FCHSD2: variants seen among roughly 807,000 people sequenced by gnomAD.
FCHSD2 encodes the protein F-BAR and double SH3 domains protein 2.
FCHSD2 carries 38 observed loss-of-function variants against 108.1 expected under a neutral mutation model. The observed-to-expected ratio is 0.35, with a 90% confidence interval of 0.27 to 0.46. The LOEUF (loss-of-function observed/expected upper bound fraction) is 0.46. Among genes scored for constraint, FCHSD2 ranks in the 20% least tolerant of loss-of-function variants. The probability of loss-of-function intolerance (pLI) is 1.00; values close to 1 mark genes in which losing one functional copy is unlikely to be tolerated. For synonymous variants in FCHSD2, 279 were observed against 314.7 expected (o/e 0.89, Z 1.20); for missense variants, 751 against 897.8 (o/e 0.84, Z 2.09).
chr11:72,969,101 GTCT>G (rs1856964818), intron 8 of FCHSD2, among the ~76,000 whole-genome samples: 1 of 152,100 alleles, frequency 6.6e-6, no homozygotes, highest in South Asian at 2.1e-4. Context: ...TAGGTGGCTG[GTCT>G]TCTCAGACTC....
chr11:72,985,239 G>GA (rs1857288934), intron 6 of FCHSD2, 123 bp from the exon 7 acceptor site: 2 of 212,884 alleles, frequency 9.4e-6, no homozygotes, highest in Non-Finnish European at 1.9e-5. Flanking sequence ...AAAAAAGAAT[G>GA]AAAAAATGGA....
At chr11:72,846,605 C>A (rs1004658854) in intron 14 of FCHSD2, among the ~76,000 whole-genome samples, 12 of 152,090 alleles carry the variant, frequency 7.9e-5, no homozygotes, top group African/African-American at 2.9e-4. Context: ...TCTCACTTAC[C>A]CCAACTAAAG....
intron 12 of FCHSD2, among the ~76,000 whole-genome samples, chr11:72,886,642 T>C (rs1855204733): frequency 6.6e-6 from 1 of 152,222 alleles, no homozygotes; most frequent in Non-Finnish European, 1.5e-5. Context: ...GCTGAGTAGA[T>C]AAAAGTGTGT....
chr11:72,989,181 G>A, intron 5 of FCHSD2, 84 bp from the exon 6 acceptor site: 3 of 1,057,572 alleles, frequency 2.8e-6, no homozygotes, highest in Non-Finnish European at 4.0e-6. Flanking sequence ...TATACACTAT[G>A]CCTTCAGGAT....
At chr11:72,877,156 T>A (rs1256368839) in intron 12 of FCHSD2, among the ~76,000 whole-genome samples, 1 of 151,978 alleles carries the variant, frequency 6.6e-6, no homozygotes, top group Admixed American at 6.6e-5. Flanking sequence ...CCGGCTAATT[T>A]TTGTATTTTT....
intron 8 of FCHSD2, among the ~76,000 whole-genome samples, chr11:72,951,036 A>T (rs1343383289): frequency 6.6e-6 from 1 of 152,176 alleles, no homozygotes; most frequent in Non-Finnish European, 1.5e-5. Context: ...AAATAAATCA[A>T]TGACACAGGT....
intron 8 of FCHSD2, among the ~76,000 whole-genome samples, chr11:72,931,271 GT>G (rs143086970): frequency 1.1e-4 from 14 of 126,526 alleles, no homozygotes; most frequent in African/African-American, 2.3e-4. Flanking sequence ...ATTTTTGTGG[GT>G]TTTTTTTTTT....
At chr11:73,070,567 G>A (rs1181330434) in intron 3 of FCHSD2, among the ~76,000 whole-genome samples, 2 of 151,984 alleles carry the variant, frequency 1.3e-5, no homozygotes, top group African/African-American at 4.8e-5. Flanking sequence ...GGTATTACAG[G>A]CGCCTGCCAC....
chr11:72,917,892 T>TA (rs879471036), intron 9 of FCHSD2, among the ~76,000 whole-genome samples: 161 of 136,734 alleles, frequency 1.2e-3, no homozygotes, highest in Middle Eastern at 7.4e-3. Flanking sequence ...TGTCTCAAAT[T>TA]AAAAAAAAAA....
intron 14 of FCHSD2, among the ~76,000 whole-genome samples, chr11:72,844,173 A>G (rs1861053563): frequency 6.6e-6 from 1 of 152,196 alleles, no homozygotes; most frequent in South Asian, 2.1e-4. Flanking sequence ...TAAGCACAGA[A>G]CTGTGATGAT....
At chr11:72,983,986 G>T in intron 8 of FCHSD2, 102 bp downstream of exon 8, 2 of 865,902 alleles carry the variant, frequency 2.3e-6, no homozygotes, top group Non-Finnish European at 3.8e-6. Flanking sequence ...AACATAGCCT[G>T]GCTACTCTTT....
At chr11:72,921,246 A>G (rs1170590595) in intron 9 of FCHSD2, among the ~76,000 whole-genome samples, 1 of 152,228 alleles carries the variant, frequency 6.6e-6, no homozygotes, top group Non-Finnish European at 1.5e-5. Context: ...CACGACTGCA[A>G]AACATTTTAA....
chr11:72,983,217 C>T (rs1047505410), intron 8 of FCHSD2, among the ~76,000 whole-genome samples: 2 of 151,198 alleles, frequency 1.3e-5, no homozygotes, highest in Non-Finnish European at 1.5e-5. Flanking sequence ...TGGCGTGAAC[C>T]CGGGAGGCGG....
At chr11:73,064,356 C>T (rs1440958301) in intron 3 of FCHSD2, among the ~76,000 whole-genome samples, 3 of 151,882 alleles carry the variant, frequency 2.0e-5, no homozygotes, top group Non-Finnish European at 4.4e-5. Flanking sequence ...AATTGATACC[C>T]TAACATCAAA....
chr11:72,948,245 C>A (rs1856555865), intron 8 of FCHSD2, among the ~76,000 whole-genome samples: 1 of 152,112 alleles, frequency 6.6e-6, no homozygotes, highest in Non-Finnish European at 1.5e-5. Context: ...TGGACTCAAG[C>A]AATCCACCCA....
At chr11:72,900,198 CATT>C in intron 10 of FCHSD2, 2 of 1,266,908 alleles carry the variant, frequency 1.6e-6, no homozygotes, top group Non-Finnish European at 2.2e-6. Context: ...TCCCACCCTT[CATT>C]AACATGCAAA....
chr11:73,051,826 C>T (rs1042565161), intron 3 of FCHSD2, among the ~76,000 whole-genome samples: 1 of 150,856 alleles, frequency 6.6e-6, no homozygotes, highest in Non-Finnish European at 1.5e-5. Flanking sequence ...TGTTTTCAGG[C>T]TTTTTATATA....
At chr11:73,053,118 T>A (rs1041804721) in intron 3 of FCHSD2, among the ~76,000 whole-genome samples, 1 of 151,352 alleles carries the variant, frequency 6.6e-6, no homozygotes, top group African/African-American at 2.4e-5. Flanking sequence ...AGTGCTGGGA[T>A]TACAGGAGTG....
chr11:72,888,492 G>A (rs1035302050), intron 11 of FCHSD2, among the ~76,000 whole-genome samples: 7 of 152,122 alleles, frequency 4.6e-5, no homozygotes, highest in African/African-American at 1.4e-4. Context: ...TTAAGAAGCA[G>A]GATGTGAAGG....
Sources: gnomAD v4.1 joint callset for allele counts (sites outside exome capture counted in the v4.1 genomes callset) on GRCh38, gnomAD v4.1.1 for gene constraint, MANE v1.5 for transcripts, NCBI Gene and HGNC (gene_info 2026-07-23, HGNC 2026-07-21) for gene names.